The following ZFYVE1 variants were observed in gnomAD, a reference collection of about 807,000 sequenced individuals.
The protein encoded by ZFYVE1 is zinc finger FYVE-type containing 1, also known as zinc finger FYVE domain-containing protein 1.
Under a neutral mutation model 74.4 loss-of-function variants are expected in ZFYVE1, and 30 were observed. The observed-to-expected ratio is 0.40, with a 90% CI of 0.30 to 0.55. ZFYVE1 has a LOEUF of 0.55. Among genes scored for constraint, ZFYVE1 ranks in the 20% least tolerant of loss-of-function variants. The pLI is 0.42. For missense variants in ZFYVE1, 703 were observed against 1,011.6 expected (o/e 0.69, Z 4.14); for synonymous variants, 335 against 385.1 (o/e 0.87, Z 1.52).
rs748524010 is a variant in ZFYVE1 at position 72,998,227 on chromosome 14, T to A, written c.572A>T (p.Asp191Val). Reference sequence around the variant, plus strand: ...GTGGTTGAGAGTATGAGACTTTCCATCACCAGTATTTCCAAAAATGGAAAC... The same window carrying A: ...GTGGTTGAGAGTATGAGACTTTCCAACACCAGTATTTCCAAAAATGGAAAC... The part of the protein sequence containing the change: ...KVVSIFGNTG[D>V]GKSHTLNHTF... Residue 191 changes from aspartate (D) to valine (V), a missense_variant, in exon 3 of 12, where the codon GAT becomes GTT. Asp to Val is a radical substitution (Grantham distance 152, BLOSUM62 -3). Transcript: ENST00000556143. 6.2e-7 allele frequency: 1 copy of A among 1,612,010 alleles called. No individual in the cohort carries two copies. Among genetic ancestry groups the A allele is most frequent in the Admixed American group, 1.7e-5 (1 of 59,562 alleles).
intron 11 of ZFYVE1, among the ~76,000 whole-genome samples, chr14:72,972,388 C>T (rs1893057379): frequency 6.6e-6 from 1 of 152,204 alleles, no homozygotes; most frequent in African/African-American, 2.4e-5. Context: ...GCAGGCTATG[C>T]TCTGCCTTCT....
chr14:73,006,218 C>T (rs1263935111), intron 2 of ZFYVE1, among the ~76,000 whole-genome samples: 1 of 150,870 alleles, frequency 6.6e-6, no homozygotes, highest in African/African-American at 2.4e-5. Context: ...CGCGCCCGGC[C>T]AAAACACATT....
chr14:72,969,667 G>A lies in ZFYVE1; in HGVS notation c.*1215C>T, dbSNP rs1386593924. On this transcript the variant is annotated 3_prime_UTR_variant, in exon 12 of 12. Coordinates refer to ENST00000556143, the MANE Select transcript of ZFYVE1 (RefSeq NM_021260.4). The stretch of plus-strand genomic sequence containing the variant: ...TCAGTTAAGAATTATACTTTAATTC[G>A]TGTTTGGCCACTGAAGATCAAATCC... The A allele has an allele frequency of 1.0e-5, 7 of 699,704 alleles. No individual in the cohort carries two copies. The highest frequency in any genetic ancestry group is 2.0e-5 in the Admixed American group (1 of 49,016). 43.3% of individuals were successfully genotyped at this position (699,704 alleles called of 1,614,324 possible). A position where few individuals can be genotyped will look rare whatever the true frequency, so the allele number is the denominator to read the frequency against.
At chr14:73,016,594 G>C (rs1258119321) in intron 2 of ZFYVE1, among the ~76,000 whole-genome samples, 1 of 152,062 alleles carries the variant, frequency 6.6e-6, no homozygotes, top group Non-Finnish European at 1.5e-5. Flanking sequence ...AAAAATCAAT[G>C]AATACGGCCA....
intron 2 of ZFYVE1, among the ~76,000 whole-genome samples, chr14:73,015,301 G>GAAA (rs1246897774): frequency 1.1e-5 from 1 of 87,510 alleles, no homozygotes; most frequent in Non-Finnish European, 2.3e-5. Context: ...AGGAAAGAAG[G>GAAA]GAGGGAGGGA....
At chr14:72,978,480 T>C (rs61986492) in intron 6 of ZFYVE1, among the ~76,000 whole-genome samples, 19,384 of 142,420 alleles carry the variant, frequency 0.14, 1,568 homozygotes, top group East Asian at 0.21. Flanking sequence ...GGCAGGAGAA[T>C]TGCTGCAGCC....
intron 2 of ZFYVE1, among the ~76,000 whole-genome samples, chr14:72,998,697 C>G (rs768777328): frequency 6.6e-6 from 1 of 151,870 alleles, no homozygotes; most frequent in Non-Finnish European, 1.5e-5. Flanking sequence ...AAAGAAAAAA[C>G]AGATAAGGCC....
chr14:72,992,575 T>G (rs1375638683), intron 4 of ZFYVE1, among the ~76,000 whole-genome samples: 2 of 151,604 alleles, frequency 1.3e-5, no homozygotes, highest in East Asian at 1.9e-4. Flanking sequence ...GTGTTTTGTT[T>G]TGGTAATTTT....
At chr14:72,992,630 T>TCAC (rs1324391955) in intron 4 of ZFYVE1, among the ~76,000 whole-genome samples, 712 of 55,140 alleles carry the variant, frequency 0.013, 37 homozygotes, top group African/African-American at 0.047. Flanking sequence ...CCCCGCCCCT[T>TCAC]GCAAGAGAGA....
At chr14:73,009,065 C>G (rs1410900219) in intron 2 of ZFYVE1, among the ~76,000 whole-genome samples, 2 of 152,100 alleles carry the variant, frequency 1.3e-5, no homozygotes, top group Non-Finnish European at 1.5e-5. Context: ...TAGCACAGTG[C>G]CTGACGCAAA....
chr14:73,007,086 G>A (rs1893996874), intron 2 of ZFYVE1, among the ~76,000 whole-genome samples: 1 of 152,046 alleles, frequency 6.6e-6, no homozygotes, highest in African/African-American at 2.4e-5. Flanking sequence ...GCAGGCCAAG[G>A]GAATGATGAT....
Position 72,971,056 on chromosome 14 carries a change from G to A in ZFYVE1, c.2160C>T (p.His720=). Residue 720 remains histidine, a synonymous_variant, in exon 12 of 12, where the codon CAC becomes CAT. Transcript: ENST00000556143. ...AYWVPDHEIL[H]CHNCRKEFSI... is the part of the protein sequence containing the mutation. ...TGAACTCCTTCCGGCAGTTGTGGCA[G>A]TGGAGGATTTCGTGGTCAGGCACCC... is the stretch of plus-strand genomic sequence containing the variant. The A allele has an allele frequency of 6.2e-7, 1 of 1,614,204 alleles. No individual in the cohort carries two copies. The highest frequency in any genetic ancestry group is 2.2e-5 in the East Asian group (1 of 44,876).
At chr14:73,023,544 T>C (rs1486811585) in intron 2 of ZFYVE1, among the ~76,000 whole-genome samples, 1 of 150,506 alleles carries the variant, frequency 6.6e-6, no homozygotes, top group Admixed American at 6.8e-5. Context: ...AACAGGTTTA[T>C]GCCTTATTAG....
In ZFYVE1 at chr14:72,971,034, ACTC is replaced by A; in HGVS notation, c.2179_2181del (p.Glu727del). 1 of 1,613,762 alleles carries A rather than the reference ACTC, an allele frequency of 6.2e-7. No homozygotes were observed. Among genetic ancestry groups the A allele is most frequent in the Non-Finnish European group, 8.5e-7 (1 of 1,179,940 alleles). On this transcript the variant is annotated inframe_deletion, in exon 12 of 12. Transcript: ENST00000556143. ...TGGTGCTTGGAGAGCTTGATGCTGA[ACTC>A]CTTCCGGCAGTTGTGGCAGTGGAGG... is the stretch of plus-strand genomic sequence containing the variant.
chr14:72,970,517 C>CCTGTGCGGAGGAGA lies in ZFYVE1; in HGVS notation c.*351_*364dup, dbSNP rs1363281249. On this transcript the variant is annotated 3_prime_UTR_variant, in exon 12 of 12. Transcript: ENST00000556143. ...AGACGTGCTGCCACTGCCACCTCAC[C>CCTGTGCGGAGGAGA]CTGTGCGGAGGAGACTGTGCGAAGT... 2 of 228,102 alleles carry CCTGTGCGGAGGAGA rather than the reference C, an allele frequency of 8.8e-6. No individual in the cohort carries two copies. The highest frequency in any genetic ancestry group is 1.7e-5 in the Non-Finnish European group (2 of 114,766). 14.1% of individuals were successfully genotyped at this position (228,102 alleles called of 1,614,324 possible).
intron 2 of ZFYVE1, among the ~76,000 whole-genome samples, chr14:73,003,574 G>A (rs1257938182): frequency 6.6e-6 from 1 of 152,142 alleles, no homozygotes; most frequent in African/African-American, 2.4e-5. Flanking sequence ...GCTGGGCGTA[G>A]TGGTTCACGC....
intron 5 of ZFYVE1, among the ~76,000 whole-genome samples, chr14:72,980,310 A>G (rs776138653): frequency 1.3e-5 from 2 of 152,204 alleles, no homozygotes; most frequent in Non-Finnish European, 2.9e-5. Context: ...AGTGTGCAGG[A>G]CAGGGTGGTT....
chr14:72,972,895 A>T (rs965478260), intron 11 of ZFYVE1, among the ~76,000 whole-genome samples: 4 of 151,956 alleles, frequency 2.6e-5, no homozygotes, highest in Non-Finnish European at 5.9e-5. Context: ...TTTTCAGTAG[A>T]GACGGGTTTT....
chr14:72,978,566 C>CAAAAAAAAAAAAAAAA (rs58858186), intron 6 of ZFYVE1, among the ~76,000 whole-genome samples: 1 of 50,974 alleles, frequency 2.0e-5, no homozygotes, highest in Non-Finnish European at 3.2e-5. Flanking sequence ...GACTCTGTCT[C>CAAAAAAAAAAAAAAAA]AAAAAAAAAA....
Sources: gnomAD v4.1 joint callset for allele counts (sites outside exome capture counted in the v4.1 genomes callset) on GRCh38, gnomAD v4.1.1 for gene constraint, MANE v1.5 for transcripts, NCBI Gene and HGNC (gene_info 2026-07-23, HGNC 2026-07-21) for gene names.